FBXO9: variants seen among roughly 807,000 people sequenced by gnomAD.
FBXO9 encodes the protein F-box only protein 9.
In FBXO9, 43 loss-of-function variants were observed where a neutral mutation model predicts 63.7. The observed-to-expected ratio is 0.67, with a 90% CI of 0.53 to 0.87. The LOEUF (loss-of-function observed/expected upper bound fraction) is 0.87, where lower values mean the gene tolerates loss of function less well. FBXO9 is among the 40% of genes least tolerant of loss of function. The probability of loss-of-function intolerance (pLI) is 0.00; values close to 1 mark genes in which losing one functional copy is unlikely to be tolerated. For missense variants in FBXO9, 442 were observed against 533.2 expected, an observed-to-expected ratio of 0.83 and a Z score of 1.68; for synonymous variants, 156 against 171.7, an observed-to-expected ratio of 0.91 and a Z score of 0.72.
intron 1 of FBXO9, chr6:53,067,907 G>A (rs890794016): frequency 6.6e-6 from 1 of 152,120 alleles, no homozygotes; most frequent in East Asian, 1.9e-4. Context: ...CTTCACAGAT[G>A]TGTGCTTTAC....
intron 3 of FBXO9, 155 bp downstream of exon 3, chr6:53,073,794 A>T: frequency 1.7e-6 from 1 of 572,648 alleles, no homozygotes; most frequent in Non-Finnish European, 2.9e-6. Flanking sequence ...TAGTTTATAT[A>T]TTTCTCACAA....
Position 53,098,032 on chromosome 6 carries a change from T to A in FBXO9, c.*202T>A, listed in dbSNP as rs1763267694. 1 of 172,702 alleles carries A rather than the reference T, an allele frequency of 5.8e-6. No homozygotes were observed. Among genetic ancestry groups the A allele is most frequent in the Non-Finnish European group, 1.2e-5 (1 of 82,542 alleles). 10.7% of individuals were successfully genotyped at this position (172,702 alleles called of 1,614,324 possible). ...TCTTTTAAGAAGAATATAAATTGATTATTTTTTTTATTTAAAGGGATAGTT... is the reference window on the plus strand; with the variant it reads ...TCTTTTAAGAAGAATATAAATTGATAATTTTTTTTATTTAAAGGGATAGTT... On this transcript the variant is annotated 3_prime_UTR_variant, in exon 13 of 13. Transcript: ENST00000323557.
intron 7 of FBXO9, among the ~76,000 whole-genome samples, chr6:53,084,371 C>CT (rs1295784509): frequency 6.6e-6 from 1 of 152,124 alleles, no homozygotes; most frequent in African/African-American, 2.4e-5. Context: ...CCAATGAATA[C>CT]TAAAGGATTT....
intron 10 of FBXO9, 142 bp downstream of exon 10, chr6:53,093,703 T>G (rs1030927448): frequency 5.0e-5 from 43 of 852,636 alleles, no homozygotes; most frequent in Non-Finnish European, 7.0e-5. Flanking sequence ...AAAATACCAA[T>G]TTCTGGGCTT....
intron 12 of FBXO9, among the ~76,000 whole-genome samples, chr6:53,096,428 C>T (rs1763212059): frequency 6.6e-6 from 1 of 152,190 alleles, no homozygotes; most frequent in African/African-American, 2.4e-5. Context: ...TGCCTCTTTG[C>T]AACCTTAACC....
intron 7 of FBXO9, among the ~76,000 whole-genome samples, chr6:53,088,159 C>T (rs1370348487): frequency 6.6e-6 from 1 of 151,994 alleles, no homozygotes; most frequent in Non-Finnish European, 1.5e-5. Flanking sequence ...GTTTCTTATG[C>T]CATATTTTGA....
rs374773307 is a variant in FBXO9 at position 53,092,425 on chromosome 6, C to T, written c.654-4C>T. On this transcript the variant is annotated splice_region_variant and splice_polypyrimidine_tract_variant and intron_variant, in intron 7 of 12. Transcript: ENST00000323557. ...TTTATTGACATTGTGCTTTTATTCC[C>T]TAGAGACCCTGAAATATGGCGTCTG... 13 of 1,608,504 alleles carry T rather than the reference C, an allele frequency of 8.1e-6. No individual in the cohort carries two copies. The African/African-American group carries it at 1.6e-4, about 20-fold the overall frequency.
At position 53,090,568 on chromosome 6, in the gene FBXO9, C is replaced by G. The variant is rs551585013; in HGVS notation, c.654-1861C>G. 3.4e-3 allele frequency among the ~76,000 whole-genome samples: 513 copies of G among 152,334 alleles called. 1 individual carries two copies. Among genetic ancestry groups the G allele is most frequent in the African/African-American group, 0.012 (494 of 41,576 alleles). Reference sequence around the variant, plus strand: ...TCAGGAATAAAACTTCATGTGTCATCATAAAAGTAACTTTAAAAGCAAACA... The same window carrying G: ...TCAGGAATAAAACTTCATGTGTCATGATAAAAGTAACTTTAAAAGCAAACA... On this transcript the variant is annotated intron_variant, in intron 7 of 12. Coordinates refer to ENST00000323557, the MANE Select transcript of FBXO9 (RefSeq NM_033480.3).
chr6:53,074,608 T>C (rs1027632669), intron 3 of FBXO9, among the ~76,000 whole-genome samples: 3 of 152,224 alleles, frequency 2.0e-5, no homozygotes, highest in Non-Finnish European at 2.9e-5. Flanking sequence ...TTTATAGTTA[T>C]ATACTCCCTT....
chr6:53,092,957 G>A, intron 9 of FBXO9, 133 bp downstream of exon 9: 1 of 496,718 alleles, frequency 2.0e-6, no homozygotes, highest in South Asian at 4.4e-5. Context: ...ACTCAATGTA[G>A]GAATTGCACT....
intron 7 of FBXO9, chr6:53,092,168 C>T: frequency 2.8e-6 from 1 of 354,280 alleles, no homozygotes; most frequent in Non-Finnish European, 5.2e-6. Context: ...TATTTCCTCA[C>T]CACCATCATT....
chr6:53,087,640 A>T (rs1246959438), intron 7 of FBXO9, among the ~76,000 whole-genome samples: 2 of 152,208 alleles, frequency 1.3e-5, no homozygotes, highest in Non-Finnish European at 2.9e-5. Flanking sequence ...TTCTGAGTGA[A>T]AAAGACAGCA....
intron 1 of FBXO9, among the ~76,000 whole-genome samples, chr6:53,069,605 G>C (rs1311131055): frequency 6.6e-6 from 1 of 151,994 alleles, no homozygotes; most frequent in Non-Finnish European, 1.5e-5. Flanking sequence ...AGAGTAAGAG[G>C]TCAAAGGAAC....
Position 53,098,642 on chromosome 6 carries a change from G to A in FBXO9, c.*812G>A, listed in dbSNP as rs1246787202. 1 of 152,090 alleles carries A rather than the reference G, an allele frequency of 6.6e-6. No homozygotes were observed. Among genetic ancestry groups the A allele is most frequent in the Non-Finnish European group, 1.5e-5 (1 of 68,030 alleles). 9.4% of individuals were successfully genotyped at this position (152,090 alleles called of 1,614,324 possible). On this transcript the variant is annotated 3_prime_UTR_variant, in exon 13 of 13. Transcript: ENST00000323557. ...ATTTCATCATTGGTCTTTATATGTA[G>A]CCACAAACACTGACCTCATGTAGGC... is the stretch of plus-strand genomic sequence containing the variant.
chr6:53,095,764 A>G, intron 12 of FBXO9, 100 bp downstream of exon 12: 1 of 1,181,036 alleles, frequency 8.5e-7, no homozygotes, highest in Non-Finnish European at 1.2e-6. Context: ...CAGAGTTAAC[A>G]CTACATTACA....
At chr6:53,066,622 A>G (rs1051587669) in intron 1 of FBXO9, among the ~76,000 whole-genome samples, 2 of 152,364 alleles carry the variant, frequency 1.3e-5, no homozygotes, top group Admixed American at 6.5e-5. Context: ...TTTTTATTAA[A>G]TTAATCTGGA....
chr6:53,080,930 G>A, intron 5 of FBXO9, 38 bp from the exon 6 acceptor site: 1 of 1,611,654 alleles, frequency 6.2e-7, no homozygotes, highest in Non-Finnish European at 8.5e-7. Context: ...TACGCTTGTA[G>A]ACTGAGGCAC....
At chr6:53,092,914 C>A in intron 9 of FBXO9, 90 bp downstream of exon 9, 2 of 798,568 alleles carry the variant, frequency 2.5e-6, no homozygotes, top group South Asian at 2.2e-5. Flanking sequence ...TTTTGATTGA[C>A]CCGCAAAATG....
chr6:53,073,418 T>TA, intron 2 of FBXO9, 63 bp from the exon 3 acceptor site: 1 of 1,394,350 alleles, frequency 7.2e-7, no homozygotes, highest in Non-Finnish European at 1.0e-6. Flanking sequence ...GACATATTGA[T>TA]ACATTGTTCC....
Sources: allele counts gnomAD v4.1 joint callset (sites outside exome capture counted in the v4.1 genomes callset), GRCh38; gene constraint gnomAD v4.1.1; transcripts MANE v1.5; gene names NCBI Gene and HGNC (gene_info 2026-07-23, HGNC 2026-07-21).